Variants in WDPCP observed in about 807,000 individuals in gnomAD.
WDPCP encodes WD repeat containing planar cell polarity effector.
In WDPCP, 71 loss-of-function variants were observed where a neutral mutation model predicts 93.1. The ratio of observed to expected loss-of-function variants is 0.76; its 90% confidence interval spans 0.63 to 0.93. The LOEUF (loss-of-function observed/expected upper bound fraction) is 0.93. Ranked by LOEUF, WDPCP falls within the 40% of genes least tolerant of loss-of-function variation. The probability of loss-of-function intolerance (pLI) is 0.00; values close to 1 mark genes in which losing one functional copy is unlikely to be tolerated. For synonymous variants in WDPCP, 315 were observed against 315.0 expected (o/e 1.00, Z 0.00); for missense variants, 844 against 887.4 (o/e 0.95, Z 0.62).
At chr2:63,472,274 C>T (rs1266067126) in intron 6 of WDPCP, among the ~76,000 whole-genome samples, 4 of 151,530 alleles carry the variant, frequency 2.6e-5, no homozygotes, top group African/African-American at 9.7e-5. Flanking sequence ...CAAAATATGC[C>T]TATTAATCTT....
At chr2:63,620,319 T>A (rs992047120) in intron 3 of WDPCP, among the ~76,000 whole-genome samples, 2 of 152,352 alleles carry the variant, frequency 1.3e-5, no homozygotes, top group Non-Finnish European at 1.5e-5. Context: ...CTACCTGGGA[T>A]GCTCAAGCTT....
At chr2:63,814,036 G>C (rs897502662) in intron 1 of WDPCP, among the ~76,000 whole-genome samples, 1 of 152,134 alleles carries the variant, frequency 6.6e-6, no homozygotes, top group African/African-American at 2.4e-5. Context: ...ATGAGGAAAA[G>C]AAAATATAAA....
intron 2 of WDPCP, among the ~76,000 whole-genome samples, chr2:63,735,306 A>C (rs947652345): frequency 6.6e-6 from 1 of 152,204 alleles, no homozygotes; most frequent in African/African-American, 2.4e-5. Flanking sequence ...TGATATCAGA[A>C]CCGTGGCCTT....
chr2:63,725,325 C>G (rs532602126), intron 2 of WDPCP, among the ~76,000 whole-genome samples: 2 of 152,238 alleles, frequency 1.3e-5, no homozygotes, highest in East Asian at 3.9e-4. Context: ...CATTAATTTG[C>G]TTAGGATAAT....
intron 14 of WDPCP, among the ~76,000 whole-genome samples, chr2:63,242,175 T>C (rs1420231223): frequency 1.3e-5 from 2 of 152,200 alleles, no homozygotes; most frequent in Admixed American, 6.5e-5. Context: ...TAAGCATGAA[T>C]AAGCTTTTAT....
intron 17 of WDPCP, among the ~76,000 whole-genome samples, chr2:63,131,833 C>CTTT (rs55670342): frequency 9.3e-5 from 10 of 107,718 alleles, no homozygotes; most frequent in South Asian, 6.4e-4. Context: ...ATACAGTATT[C>CTTT]TTTTTTTTTT....
At chr2:63,773,932 T>G (rs1443005439) in intron 2 of WDPCP, among the ~76,000 whole-genome samples, 2 of 151,998 alleles carry the variant, frequency 1.3e-5, no homozygotes, top group Non-Finnish European at 2.9e-5. Context: ...AAAAATAAGA[T>G]TTTTTAAAAA....
At chr2:63,786,654 C>T (rs1002120394) in intron 2 of WDPCP, among the ~76,000 whole-genome samples, 4 of 152,142 alleles carry the variant, frequency 2.6e-5, no homozygotes, top group African/African-American at 9.7e-5. Flanking sequence ...GCCACTTACA[C>T]GGCCACATCT....
rs766982680 is a variant in WDPCP, at chr2:63,404,446, T to C, written c.1037A>G (p.Asn346Ser). ...LKSKAISCCR[N>S]VTEDKLILGC... is the part of the protein sequence containing the mutation. The stretch of plus-strand genomic sequence containing the variant: ...CAGAATCAGTTTGTCTTCAGTAACA[T>C]TCCTGCAGCAGCTGATGGCCTTTGA... The change falls in exon 10 of 18, where the codon AAT becomes AGT. Residue 346 changes from asparagine to serine, a missense_variant. Physicochemically the swap from Asn to Ser is conservative, Grantham distance 46 (BLOSUM62 1). Transcript: ENST00000272321. 2 of 1,614,162 alleles carry C rather than the reference T, an allele frequency of 1.2e-6. No homozygotes were observed. Among genetic ancestry groups the C allele is most frequent in the South Asian group, 1.1e-5 (1 of 91,084 alleles).
intron 1 of WDPCP, among the ~76,000 whole-genome samples, chr2:63,524,563 A>G (rs1268707292): frequency 1.3e-5 from 2 of 152,232 alleles, no homozygotes; most frequent in Non-Finnish European, 2.9e-5. Flanking sequence ...CAGAAGATTG[A>G]AACTTGGCCC....
In WDPCP at chr2:63,119,736, G is replaced by T. The variant is rs372447775; in HGVS notation, c.*2270C>A. ...GTGCTAGGACAGATACTACCTAGCT[G>T]TTCCTGCCTATACCACTCTTCTTAC... is the stretch of plus-strand genomic sequence containing the variant. On this transcript the variant is annotated 3_prime_UTR_variant, in exon 18 of 18. Transcript: ENST00000272321. Among the ~76,000 whole-genome samples the T allele has an allele frequency of 1.1e-3, 164 of 152,270 alleles. 1 individual carries two copies. In the South Asian group the frequency reaches 0.012, roughly 12 times the overall value.
In WDPCP at chr2:63,328,171, A is replaced by G. The variant is rs895295917; in HGVS notation, c.1749-14860T>C. ...TCTGTGTCTAGCTAAAGGTTTGTAA[A>G]CACCCCAATAAGCACTCCGTCAAAA... On this transcript the variant is annotated intron_variant, in intron 12 of 17. Transcript: ENST00000272321. Among the ~76,000 whole-genome samples the G allele has an allele frequency of 2.6e-5, 4 of 152,206 alleles. No homozygotes were observed. In the East Asian group the frequency reaches 7.7e-4, roughly 29 times the overall value.
At chr2:63,123,194 C>T (rs1311210327) in intron 17 of WDPCP, among the ~76,000 whole-genome samples, 1 of 152,038 alleles carries the variant, frequency 6.6e-6, no homozygotes, top group Non-Finnish European at 1.5e-5. Context: ...TTTTTTAAAA[C>T]ATAAGCTTCA....
intron 14 of WDPCP, among the ~76,000 whole-genome samples, chr2:63,210,060 T>G (rs1231228328): frequency 6.6e-6 from 1 of 152,042 alleles, no homozygotes; most frequent in African/African-American, 2.4e-5. Flanking sequence ...TATTAACTTG[T>G]CATTAGAAAG....
chr2:63,216,560 G>A (rs1041183203), intron 14 of WDPCP, among the ~76,000 whole-genome samples: 1 of 152,078 alleles, frequency 6.6e-6, no homozygotes, highest in Non-Finnish European at 1.5e-5. Context: ...GGCCTGTCGT[G>A]GTATTGGGGG....
chr2:63,687,482 T>C (rs910950931), intron 2 of WDPCP, among the ~76,000 whole-genome samples: 2 of 152,176 alleles, frequency 1.3e-5, no homozygotes, highest in South Asian at 2.1e-4. Flanking sequence ...AACAACTCAA[T>C]AGGAAAAAAT....
chr2:63,685,877 G>C (rs1262161974), intron 2 of WDPCP, among the ~76,000 whole-genome samples: 1 of 152,146 alleles, frequency 6.6e-6, no homozygotes, highest in East Asian at 1.9e-4. Flanking sequence ...TTAAATTGAT[G>C]CTGAAAAAGC....
intron 3 of WDPCP, among the ~76,000 whole-genome samples, chr2:63,621,028 A>G (rs1709730177): frequency 6.6e-6 from 1 of 152,230 alleles, no homozygotes; most frequent in South Asian, 2.1e-4. Context: ...CCAACATCAA[A>G]GACCAAAGGT....
chr2:63,559,968 C>T (rs1476056978), intron 1 of WDPCP, among the ~76,000 whole-genome samples: 1 of 152,106 alleles, frequency 6.6e-6, no homozygotes. Context: ...TGGTGGCTCA[C>T]ACCTGTAATC....
Sources: gnomAD v4.1 joint callset for allele counts (sites outside exome capture counted in the v4.1 genomes callset) on GRCh38, gnomAD v4.1.1 for gene constraint, MANE v1.5 for transcripts, NCBI Gene and HGNC (gene_info 2026-07-23, HGNC 2026-07-21) for gene names.